The following MYO5B variants were observed in gnomAD, a reference collection of about 807,000 sequenced individuals.
The protein encoded by MYO5B is myosin VB, also known as unconventional myosin-Vb.
A neutral mutation model predicts 229.3 loss-of-function variants in MYO5B; 143 were observed. The ratio of observed to expected loss-of-function variants is 0.62; its 90% CI spans 0.54 to 0.72. MYO5B has a LOEUF of 0.72. MYO5B is among the 30% of genes least tolerant of loss of function. MYO5B has a pLI of 0.00. For synonymous variants in MYO5B, 918 were observed against 885.2 expected, an observed-to-expected ratio of 1.04 and a Z score of -0.66; for missense variants, 2,321 against 2,331.0, an observed-to-expected ratio of 1.00 and a Z score of 0.09.
intron 32 of MYO5B, among the ~76,000 whole-genome samples, chr18:49,847,751 C>T (rs2024148866): frequency 6.6e-6 from 1 of 152,242 alleles, no homozygotes; most frequent in Non-Finnish European, 1.5e-5. Context: ...CTGTGTGTGG[C>T]CACAACGTGG....
intron 22 of MYO5B, among the ~76,000 whole-genome samples, chr18:49,888,000 T>A (rs919996853): frequency 6.6e-6 from 1 of 152,148 alleles, no homozygotes; most frequent in Non-Finnish European, 1.5e-5. Context: ...TGTTTCTTTA[T>A]AGTAACGCAA....
intron 9 of MYO5B, among the ~76,000 whole-genome samples, 183 bp from the exon 10 acceptor site, chr18:49,974,798 G>GACAGACACACACACACACACACACAC (rs2025730642): frequency 6.9e-5 from 9 of 131,096 alleles, no homozygotes; most frequent in East Asian, 2.3e-4. Context: ...CACACACACA[G>GACAGACACACACACACACACACACAC]ACACACACAC....
chr18:49,913,899 G>C (rs2024984730), intron 17 of MYO5B, among the ~76,000 whole-genome samples: 1 of 152,002 alleles, frequency 6.6e-6, no homozygotes, highest in African/African-American at 2.4e-5. Context: ...GAGTTCACCT[G>C]GGGGTGGTGG....
intron 1 of MYO5B, among the ~76,000 whole-genome samples, chr18:50,089,665 G>C (rs2031404748): frequency 6.6e-6 from 1 of 151,976 alleles, no homozygotes; most frequent in Non-Finnish European, 1.5e-5. Context: ...AATTATTTTA[G>C]GCAGATGGAA....
At chr18:50,066,089 AC>A (rs1011396910) in intron 1 of MYO5B, among the ~76,000 whole-genome samples, 1 of 152,174 alleles carries the variant, frequency 6.6e-6, no homozygotes, top group Non-Finnish European at 1.5e-5. Flanking sequence ...CCAATGGAAA[AC>A]TACACATGGA....
intron 21 of MYO5B, among the ~76,000 whole-genome samples, chr18:49,897,235 C>G (rs2024788854): frequency 6.6e-6 from 1 of 152,128 alleles, no homozygotes; most frequent in Non-Finnish European, 1.5e-5. Context: ...GCCATGCAGC[C>G]AAGCCTGGCA....
In MYO5B at chr18:49,853,337, T is replaced by G. The variant is rs566610325; in HGVS notation, c.4221+112A>C. 94 of 1,074,144 alleles carry G rather than the reference T, an allele frequency of 8.8e-5. No individual in the cohort carries two copies. The African/African-American group carries it at 1.4e-3, about 16-fold the overall frequency. The allele number at this position is 1,074,144 out of a possible 1,614,324, so 66.5% of individuals were successfully genotyped here. A position where few individuals can be genotyped will look rare whatever the true frequency, so the allele number is the denominator to read the frequency against. ...AGACTTCTAGAATCTCTGTTCCTAC[T>G]ATAGGGCCAAGGGTCATGAACCTTG... On this transcript the variant is annotated intron_variant, in intron 31 of 39. Transcript: ENST00000285039.
intron 1 of MYO5B, among the ~76,000 whole-genome samples, chr18:50,083,588 T>C (rs1306618373): frequency 1.3e-5 from 2 of 152,218 alleles, no homozygotes; most frequent in East Asian, 3.8e-4. Flanking sequence ...GCATGCTGCA[T>C]GTGACACGTG....
In MYO5B at chr18:49,953,325, C is replaced by T. The variant is rs762362651; in HGVS notation, c.1687G>A (p.Gly563Ser). ...GTGTCTCTGTTTTTCTCCAGAAAACCATCAGAGAGGTACTCCACCTGGGGC... is the reference window on the plus strand; with the variant it reads ...GTGTCTCTGTTTTTCTCCAGAAAACTATCAGAGAGGTACTCCACCTGGGGC... ...FADKVEYLSD[G>S]FLEKNRDTVY... The change falls in exon 14 of 40, where the codon GGT becomes AGT. Residue 563 changes from glycine (G) to serine (S), a missense_variant. Coordinates refer to ENST00000285039, the MANE Select transcript of MYO5B (RefSeq NM_001080467.3). The T allele has an allele frequency of 2.0e-5, 32 of 1,614,062 alleles. No homozygotes were observed. Among genetic ancestry groups the T allele is most frequent in the Non-Finnish European group, 2.5e-5 (30 of 1,180,000 alleles).
chr18:49,952,520 T>C (rs1377651204), intron 14 of MYO5B, among the ~76,000 whole-genome samples: 1 of 152,166 alleles, frequency 6.6e-6, no homozygotes, highest in African/African-American at 2.4e-5. Flanking sequence ...TCACAGCCCA[T>C]TAGAAGGGGA....
chr18:50,043,556 T>A (rs1169523680), intron 2 of MYO5B, among the ~76,000 whole-genome samples: 2 of 127,806 alleles, frequency 1.6e-5, no homozygotes, highest in Non-Finnish European at 3.1e-5. Flanking sequence ...ATAAATGTAT[T>A]TATAAGTATA....
chr18:49,836,742 C>G lies in MYO5B; in HGVS notation c.5282G>C (p.Cys1761Ser). The G allele has an allele frequency of 6.2e-7, 1 of 1,614,118 alleles. No individual in the cohort carries two copies. The highest frequency in any genetic ancestry group is 8.5e-7 in the Non-Finnish European group (1 of 1,180,004). The part of the protein sequence containing the change: ...KKTQEDAEAI[C>S]SLCTSLSTQQ... Reference sequence around the variant, plus strand: ...GGTGCTGAGGGAGGTACACAGGGAGCAGATAGCCTCTGCGTCCTCCTGGGT... The same window carrying G: ...GGTGCTGAGGGAGGTACACAGGGAGGAGATAGCCTCTGCGTCCTCCTGGGT... The change falls in exon 38 of 40, where the codon TGC (cysteine) becomes TCC (serine). Residue 1761 changes from cysteine to serine, a missense_variant. Physicochemically the swap from Cys to Ser is moderately radical, Grantham distance 112 (BLOSUM62 -1). Around this residue, in one of 2 missense-constraint regions of MYO5B, gnomAD observed 208 missense variants for 286.3 expected, o/e 0.73. Coordinates refer to ENST00000285039, the MANE Select transcript of MYO5B (RefSeq NM_001080467.3).
intron 1 of MYO5B, among the ~76,000 whole-genome samples, chr18:50,131,221 G>T (rs868860129): frequency 6.6e-6 from 1 of 152,220 alleles, no homozygotes; most frequent in Non-Finnish European, 1.5e-5. Context: ...TCCTGAAAGG[G>T]AGTCCTAATT....
At chr18:50,065,738 C>G (rs2030804330) in intron 1 of MYO5B, among the ~76,000 whole-genome samples, 1 of 152,140 alleles carries the variant, frequency 6.6e-6, no homozygotes, top group Non-Finnish European at 1.5e-5. Flanking sequence ...ATAAATGCAT[C>G]AACAGCACCG....
chr18:50,161,495 G>C (rs572367860), intron 1 of MYO5B, among the ~76,000 whole-genome samples: 2 of 148,654 alleles, frequency 1.3e-5, no homozygotes, highest in Non-Finnish European at 3.0e-5. Context: ...GGAATTTAGA[G>C]GAAATGGGCA....
intron 14 of MYO5B, among the ~76,000 whole-genome samples, chr18:49,942,552 C>A (rs963219162): frequency 2.0e-4 from 31 of 151,902 alleles, no homozygotes; most frequent in South Asian, 4.2e-4. Context: ...AAAGTGGGCG[C>A]AGGATATGAA....
At chr18:49,986,251 A>C (rs1259172844) in intron 7 of MYO5B, among the ~76,000 whole-genome samples, 1 of 151,708 alleles carries the variant, frequency 6.6e-6, no homozygotes, top group East Asian at 1.9e-4. Context: ...GTCTCTGCCT[A>C]CCTCTCCTTC....
intron 12 of MYO5B, among the ~76,000 whole-genome samples, chr18:49,961,802 C>A (rs1164930301): frequency 6.6e-6 from 1 of 152,238 alleles, no homozygotes; most frequent in Non-Finnish European, 1.5e-5. Flanking sequence ...CCCCATCCCA[C>A]CAGGTACAGC....
At chr18:49,867,071 G>A (rs1036108326) in intron 27 of MYO5B, among the ~76,000 whole-genome samples, 3 of 152,288 alleles carry the variant, frequency 2.0e-5, no homozygotes, top group African/African-American at 4.8e-5. Context: ...AAAATCCAGG[G>A]AAGGAAGCTG....
Sources: allele counts gnomAD v4.1 joint callset (sites outside exome capture counted in the v4.1 genomes callset), GRCh38; gene constraint gnomAD v4.1.1; regional missense constraint gnomAD v4.1.1; transcripts MANE v1.5; gene names NCBI Gene and HGNC (gene_info 2026-07-23, HGNC 2026-07-21).